The following OCA2 variants were observed in gnomAD, a reference collection of about 807,000 sequenced individuals.
OCA2 encodes OCA2 melanosomal transmembrane protein.
Under a neutral mutation model 100.2 loss-of-function variants are expected in OCA2, and 77 were observed. That is an observed-to-expected ratio of 0.77 (90% CI 0.64 to 0.93). The LOEUF (loss-of-function observed/expected upper bound fraction) is 0.93, where lower values mean the gene tolerates loss of function less well. Among genes scored for constraint, OCA2 ranks in the 40% least tolerant of loss-of-function variants. The pLI, the probability that OCA2 is intolerant of heterozygous loss-of-function variation, is 0.00. For synonymous variants in OCA2, 432 were observed against 439.2 expected (o/e 0.98, Z 0.21); for missense variants, 1,062 against 1,089.1 (o/e 0.98, Z 0.35).
intron 9 of OCA2, among the ~76,000 whole-genome samples, chr15:28,013,045 G>A (rs1235093533): frequency 6.6e-6 from 1 of 152,174 alleles, no homozygotes; most frequent in South Asian, 2.1e-4. Flanking sequence ...CAGGGAGCTG[G>A]GCACCTTTCT....
rs769681202 is a variant in OCA2 at position 28,022,549 on chromosome 15, G to C, written c.598C>G (p.Gln200Glu). 4.2e-5 allele frequency: 68 copies of C among 1,613,836 alleles called. No homozygotes were observed. The East Asian group carries it at 1.4e-3, about 34-fold the overall frequency. Residue 200 changes from glutamine to glutamate, a missense_variant, in exon 6 of 24, where the codon CAA becomes GAA. By Grantham distance (29) the Gln-to-Glu change is conservative. Transcript: ENST00000354638. Reference protein sequence around the residue: ...CSILFSLYPDQGKLWQLLALS... With the variant: ...CSILFSLYPDEGKLWQLLALS... The stretch of plus-strand genomic sequence containing the variant: ...GCCAACAGCTGCCAGAGCTTTCCTT[G>C]ATCCGGATATAGGCTGAACAAAATC...
At chr15:28,052,887 G>C (rs895828) in intron 2 of OCA2, among the ~76,000 whole-genome samples, 36,946 of 152,102 alleles carry the variant, frequency 0.24, 7,272 homozygotes, top group East Asian at 0.67. Context: ...CTGGCCTATC[G>C]CCTTACTCAG....
chr15:28,049,684 T>C (rs1395315372), intron 2 of OCA2, among the ~76,000 whole-genome samples: 1 of 152,230 alleles, frequency 6.6e-6, no homozygotes, highest in Admixed American at 6.5e-5. Context: ...GAAAACATCA[T>C]GCTGAATGAA....
rs372950295 is a variant in OCA2 at position 27,921,624 on chromosome 15, C to T, written c.2079+4503G>A. ...AAAATCCGTGTATAAATTTTGACTC[C>T]CCCAGATCTTAACTACTAACAGCCT... On this transcript the variant is annotated intron_variant, in intron 19 of 23. Coordinates refer to ENST00000354638, the MANE Select transcript of OCA2 (RefSeq NM_000275.3). Among the ~76,000 whole-genome samples, 4 of 152,294 alleles carry T rather than the reference C, an allele frequency of 2.6e-5. No individual in the cohort carries two copies. The East Asian group carries it at 7.7e-4, about 29-fold the overall frequency.
At chr15:27,914,007 T>A in intron 19 of OCA2, among the ~76,000 whole-genome samples, 1 of 151,914 alleles carries the variant, frequency 6.6e-6, no homozygotes, top group Non-Finnish European at 1.5e-5. Flanking sequence ...TACTAGCAAA[T>A]TGAATCCAGC....
chr15:28,085,488 T>G (rs930267468), intron 1 of OCA2, among the ~76,000 whole-genome samples: 1 of 152,052 alleles, frequency 6.6e-6, no homozygotes, highest in Non-Finnish European at 1.5e-5. Flanking sequence ...AGTCAGACAC[T>G]GGGATTCAGA....
intron 23 of OCA2, among the ~76,000 whole-genome samples, chr15:27,771,681 T>G (rs1387857808): frequency 6.6e-6 from 1 of 152,240 alleles, no homozygotes; most frequent in African/African-American, 2.4e-5. Flanking sequence ...AATCACCCAT[T>G]GTGTGAAATC....
At chr15:27,824,829 T>C (rs1409470874) in intron 23 of OCA2, among the ~76,000 whole-genome samples, 1 of 151,384 alleles carries the variant, frequency 6.6e-6, no homozygotes, top group Non-Finnish European at 1.5e-5. Flanking sequence ...CTGTTCCCCG[T>C]CCCTCTGCCG....
chr15:27,983,399 G>T lies in OCA2; in HGVS notation c.1449C>A (p.Ala483=). ...TAATGACATTTGGAGGGTCCCCGAT[G>T]GCAGTGGCAGCTCCTCCAATGTTTG... The part of the protein sequence containing the change: ...IFTNIGGAAT[A]IGDPPNVIIV... The change falls in exon 14 of 24, where the codon GCC becomes GCA. Residue 483 remains alanine, a synonymous_variant. Transcript: ENST00000354638. 6.2e-7 allele frequency: 1 copy of T among 1,614,182 alleles called. No individual in the cohort carries two copies.
At chr15:27,722,780 T>C in the OCA2 span, among the ~76,000 whole-genome samples, 32 of 134,302 alleles carry the variant, frequency 2.4e-4, no homozygotes, top group South Asian at 1.0e-3. Context: ...TTTTCTTTCT[T>C]TCTCTCTCTC....
At chr15:27,961,477 C>T (rs141514981) in intron 15 of OCA2, among the ~76,000 whole-genome samples, 3,745 of 152,286 alleles carry the variant, frequency 0.025, 75 homozygotes, top group Admixed American at 0.039. Flanking sequence ...ATAAATCATT[C>T]TACTATAAAG....
chr15:28,090,461 C>G (rs1437327076), intron 1 of OCA2, among the ~76,000 whole-genome samples: 2 of 152,086 alleles, frequency 1.3e-5, no homozygotes, highest in Non-Finnish European at 2.9e-5. Context: ...TAAACCAAAC[C>G]TCAACAAATT....
At chr15:27,951,469 G>A (rs1171338269) in intron 18 of OCA2, among the ~76,000 whole-genome samples, 1 of 152,172 alleles carries the variant, frequency 6.6e-6, no homozygotes, top group African/African-American at 2.4e-5. Context: ...GTAAAGATGT[G>A]GTTATTAACT....
the OCA2 span, among the ~76,000 whole-genome samples, chr15:27,738,446 C>G: frequency 5.3e-5 from 8 of 152,154 alleles, no homozygotes; most frequent in Admixed American, 5.2e-4. Flanking sequence ...ATAAGAAGCT[C>G]AACGCCGGGC....
intron 17 of OCA2, 122 bp downstream of exon 17, chr15:27,955,036 G>T: frequency 1.2e-6 from 1 of 808,248 alleles, no homozygotes; most frequent in Non-Finnish European, 2.2e-6. Flanking sequence ...TCAACGTCTT[G>T]TGTATAACCA....
intron 11 of OCA2, among the ~76,000 whole-genome samples, chr15:27,986,896 T>A (rs1179949887): frequency 2.0e-5 from 3 of 152,174 alleles, no homozygotes; most frequent in African/African-American, 7.2e-5. Flanking sequence ...CACATTACCA[T>A]CCCATCTGAT....
chr15:27,768,398 G>A (rs2031449407), intron 23 of OCA2, among the ~76,000 whole-genome samples: 1 of 152,154 alleles, frequency 6.6e-6, no homozygotes, highest in African/African-American at 2.4e-5. Context: ...CCCACACCCA[G>A]GGGCAACTGT....
At chr15:27,805,002 G>T (rs1212215068) in intron 23 of OCA2, among the ~76,000 whole-genome samples, 2 of 152,212 alleles carry the variant, frequency 1.3e-5, no homozygotes, top group African/African-American at 2.4e-5. Context: ...ACTAACCACC[G>T]AGCTGCGTGG....
chr15:27,871,053 G>A (rs2036548280), intron 21 of OCA2, 101 bp downstream of exon 21: 3 of 881,806 alleles, frequency 3.4e-6, no homozygotes, highest in Middle Eastern at 2.1e-4. Context: ...GAGTGCAGCA[G>A]AGGGGCAGGC....
Sources: gnomAD v4.1 joint callset for allele counts (sites outside exome capture counted in the v4.1 genomes callset) on GRCh38, gnomAD v4.1.1 for gene constraint, MANE v1.5 for transcripts, NCBI Gene and HGNC (gene_info 2026-07-23, HGNC 2026-07-21) for gene names.